PGD: variants seen among roughly 807,000 people sequenced by gnomAD.
PGD encodes the protein 6-phosphogluconate dehydrogenase, decarboxylating.
In PGD, 21 loss-of-function variants were observed where a neutral mutation model predicts 60.4. That is an observed-to-expected ratio of 0.35 (90% confidence interval 0.25 to 0.50). The LOEUF (loss-of-function observed/expected upper bound fraction) is 0.50, where lower values mean the gene tolerates loss of function less well. Ranked by LOEUF, PGD falls within the 20% of genes least tolerant of loss-of-function variation. The pLI is 0.98. For missense variants in PGD, 477 were observed against 613.1 expected, an observed-to-expected ratio of 0.78 and a Z score of 2.34; for synonymous variants, 230 against 235.9, an observed-to-expected ratio of 0.97 and a Z score of 0.23.
In PGD at chr1:10,411,516, A is replaced by G. The variant is rs779768886; in HGVS notation, c.618A>G (p.Lys206=). ...QLICEAYHLM[K]DVLGMAQDEM... The stretch of plus-strand genomic sequence containing the variant: ...TCTGTGAGGCATACCACCTGATGAA[A>G]GACGTGCTGGGCATGGCGCAGGACG... Residue 206 remains lysine (K), a synonymous_variant, in exon 7 of 13, where the codon AAA becomes AAG. Transcript: ENST00000270776. 1.9e-6 allele frequency: 3 copies of G among 1,613,862 alleles called. No individual in the cohort carries two copies. The highest frequency in any genetic ancestry group is 2.5e-6 in the Non-Finnish European group (3 of 1,179,836).
At chr1:10,400,280 C>A in intron 2 of PGD, 113 bp from the exon 3 acceptor site, 1 of 729,104 alleles carries the variant, frequency 1.4e-6, no homozygotes, top group African/African-American at 1.8e-5. Flanking sequence ...AAGGCAAAGG[C>A]AGGTCTGACC....
chr1:10,399,164 C>T (rs760933153), intron 1 of PGD, 39 bp downstream of exon 1: 17 of 1,604,732 alleles, frequency 1.1e-5, no homozygotes, highest in Non-Finnish European at 1.4e-5. Flanking sequence ...TCGGCCTCAG[C>T]GGGCGGGGAA....
intron 3 of PGD, among the ~76,000 whole-genome samples, chr1:10,401,120 A>G (rs11121561): frequency 0.53 from 80,713 of 151,920 alleles, 22,155 homozygotes; most frequent in African/African-American, 0.67. Flanking sequence ...AATGAGAATC[A>G]CTTGAACCTG....
chr1:10,411,037 A>G (rs1291698896), intron 6 of PGD, among the ~76,000 whole-genome samples: 1 of 152,014 alleles, frequency 6.6e-6, no homozygotes, highest in Non-Finnish European at 1.5e-5. Context: ...TCTAGTTGCT[A>G]GAAAAGTGGT....
chr1:10,409,956 T>A (rs1432681036), intron 6 of PGD, among the ~76,000 whole-genome samples: 1 of 152,120 alleles, frequency 6.6e-6, no homozygotes, highest in Non-Finnish European at 1.5e-5. Flanking sequence ...GCACCCAGCC[T>A]GCAACTTTTT....
In PGD at chr1:10,411,537, G is replaced by A. The variant is rs761395524; in HGVS notation, c.639G>A (p.Gln213=). 49 of 1,613,902 alleles carry A rather than the reference G, an allele frequency of 3.0e-5. No homozygotes were observed. The highest frequency in any genetic ancestry group is 1.6e-4 in the Middle Eastern group (1 of 6,084). The change falls in exon 7 of 13, where the codon CAG becomes CAA. Residue 213 remains glutamine, a synonymous_variant. Transcript: ENST00000270776. ...HLMKDVLGMA[Q]DEMAQAFEDW... Reference sequence around the variant, plus strand: ...TGAAAGACGTGCTGGGCATGGCGCAGGACGAGATGGCCCAGGTGAGGCCCC... The same window carrying A: ...TGAAAGACGTGCTGGGCATGGCGCAAGACGAGATGGCCCAGGTGAGGCCCC...
chr1:10,399,930 C>T, intron 2 of PGD: 1 of 588,612 alleles, frequency 1.7e-6, no homozygotes, highest in South Asian at 2.0e-5. Context: ...GGTTCACAGC[C>T]CGAATGAACG....
rs543426528 is a variant in PGD, at chr1:10,409,649, C to CTTTTTTTT, written c.519+1528_519+1535dup. On this transcript the variant is annotated intron_variant, in intron 6 of 12. Transcript: ENST00000270776. ...CTGCAATAAAAGTGAGTGGTAGCAA[C>CTTTTTTTT]TTTTTTTTTTTTTTTTTTTTTTTTT... 7.0e-3 allele frequency among the ~76,000 whole-genome samples: 526 copies of CTTTTTTTT among 75,396 alleles called. 90 individuals are homozygous for CTTTTTTTT. Among genetic ancestry groups the CTTTTTTTT allele is most frequent in the African/African-American group, 0.03 (499 of 16,412 alleles). 49.5% of individuals were successfully genotyped at this position (75,396 alleles called of 152,430 possible). A position where few individuals can be genotyped will look rare whatever the true frequency, so the allele number is the denominator to read the frequency against.
chr1:10,406,239 G>A (rs1024652881), intron 5 of PGD, among the ~76,000 whole-genome samples: 66 of 152,088 alleles, frequency 4.3e-4, no homozygotes, highest in African/African-American at 1.5e-3. Flanking sequence ...AAGTAGAGAG[G>A]CCTTTCTGCT....
At chr1:10,414,524 G>A (rs956381493) in intron 8 of PGD, among the ~76,000 whole-genome samples, 18 of 151,766 alleles carry the variant, frequency 1.2e-4, no homozygotes, top group African/African-American at 3.1e-4. Flanking sequence ...ACAGGCATGC[G>A]CTACCATGCC....
chr1:10,416,518 A>T (rs1366246310), intron 8 of PGD, among the ~76,000 whole-genome samples: 2 of 152,156 alleles, frequency 1.3e-5, no homozygotes, highest in African/African-American at 4.8e-5. Flanking sequence ...GAACTTTGGT[A>T]ATTTTCATGC....
intron 10 of PGD, among the ~76,000 whole-genome samples, chr1:10,418,620 C>A (rs995397484): frequency 6.6e-6 from 1 of 151,880 alleles, no homozygotes; most frequent in Non-Finnish European, 1.5e-5. Flanking sequence ...ACTAAAAATA[C>A]AAAAATTAGC....
chr1:10,419,719 C>T lies in PGD; in HGVS notation c.1422C>T (p.Gly474=), dbSNP rs1186486646. The change falls in exon 13 of 13, where the codon GGC becomes GGT. Residue 474 remains glycine, a synonymous_variant. Coordinates refer to ENST00000270776, the MANE Select transcript of PGD (RefSeq NM_002631.4). ...FIHTNWTGHG[G]TVSSSSYNA ...ACACCAACTGGACAGGCCATGGTGG[C>T]ACCGTGTCATCCTCGTCATACAATG... 4 of 1,614,094 alleles carry T rather than the reference C, an allele frequency of 2.5e-6. No homozygotes were observed. In the Admixed American group the frequency reaches 5.0e-5, roughly 20 times the overall value.
chr1:10,404,693 T>C (rs951262604), intron 5 of PGD, among the ~76,000 whole-genome samples: 1 of 152,066 alleles, frequency 6.6e-6, no homozygotes, highest in Non-Finnish European at 1.5e-5. Flanking sequence ...AGAGACAGGG[T>C]TTCACCATGT....
intron 6 of PGD, among the ~76,000 whole-genome samples, chr1:10,408,840 C>A (rs1639450197): frequency 1.3e-5 from 2 of 152,202 alleles, no homozygotes; most frequent in Non-Finnish European, 2.9e-5. Context: ...AACTCCTGGA[C>A]TCTCAAGTCA....
At chr1:10,419,157 G>A (rs1639646553) in intron 11 of PGD, among the ~76,000 whole-genome samples, 1 of 150,556 alleles carries the variant, frequency 6.6e-6, no homozygotes, top group African/African-American at 2.4e-5. Context: ...CTACAGGTGT[G>A]CCAACATACC....
At chr1:10,403,925 A>G (rs1639357224) in intron 4 of PGD, among the ~76,000 whole-genome samples, 1 of 152,208 alleles carries the variant, frequency 6.6e-6, no homozygotes. Context: ...TGAGGTAGGT[A>G]TCGTGAATGT....
chr1:10,408,484 G>A (rs1201641062), intron 6 of PGD, among the ~76,000 whole-genome samples: 2 of 152,278 alleles, frequency 1.3e-5, no homozygotes, highest in African/African-American at 2.4e-5. Context: ...CAAAAGTGGC[G>A]TTTGCTTGCA....
chr1:10,409,930 A>G (rs1365653230), intron 6 of PGD, among the ~76,000 whole-genome samples: 1 of 152,158 alleles, frequency 6.6e-6, no homozygotes, highest in East Asian at 1.9e-4. Flanking sequence ...TGTTGGGATT[A>G]TAGGCGTGAG....
Sources: allele counts gnomAD v4.1 joint callset (sites outside exome capture counted in the v4.1 genomes callset), GRCh38; gene constraint gnomAD v4.1.1; transcripts MANE v1.5; gene names NCBI Gene and HGNC (gene_info 2026-07-23, HGNC 2026-07-21).